Variants in HS6ST3 observed in about 807,000 individuals in gnomAD.
The protein encoded by HS6ST3 is heparan-sulfate 6-O-sulfotransferase 3.
A neutral mutation model predicts 36.7 loss-of-function variants in HS6ST3; 12 were observed. That is an observed-to-expected ratio of 0.33 (90% CI 0.21 to 0.53). HS6ST3 has a LOEUF of 0.53. Ranked by LOEUF, HS6ST3 falls within the 20% of genes least tolerant of loss-of-function variation. The pLI, the probability that HS6ST3 is intolerant of heterozygous loss-of-function variation, is 0.95. For missense variants in HS6ST3, 584 were observed against 640.9 expected (o/e 0.91, Z 0.96); for synonymous variants, 240 against 257.5 (o/e 0.93, Z 0.65).
At chr13:96,459,465 G>C (rs893198221) in intron 1 of HS6ST3, among the ~76,000 whole-genome samples, 1 of 151,998 alleles carries the variant, frequency 6.6e-6, no homozygotes, top group Non-Finnish European at 1.5e-5. Flanking sequence ...TCAGAATAGA[G>C]TATAACGCAA....
chr13:96,820,121 T>C (rs1878501460), intron 1 of HS6ST3, among the ~76,000 whole-genome samples: 1 of 151,982 alleles, frequency 6.6e-6, no homozygotes, highest in African/African-American at 2.4e-5. Flanking sequence ...TCTCTGAGCA[T>C]CAGTTTTCTC....
chr13:96,497,102 T>G (rs147980721), intron 1 of HS6ST3, among the ~76,000 whole-genome samples: 1 of 152,128 alleles, frequency 6.6e-6, no homozygotes, highest in Non-Finnish European at 1.5e-5. Flanking sequence ...AAGGGTTATT[T>G]TGGGCACCGG....
chr13:96,734,677 C>T (rs1876238780), intron 1 of HS6ST3, among the ~76,000 whole-genome samples: 1 of 152,190 alleles, frequency 6.6e-6, no homozygotes, highest in African/African-American at 2.4e-5. Flanking sequence ...CATGCTTCCT[C>T]TCCATCAATC....
intron 1 of HS6ST3, among the ~76,000 whole-genome samples, chr13:96,516,943 A>G (rs967952443): frequency 6.6e-6 from 1 of 152,128 alleles, no homozygotes; most frequent in Non-Finnish European, 1.5e-5. Context: ...TCTGCTCTAT[A>G]TATTTCTTAT....
In HS6ST3 at chr13:96,828,554, A is replaced by G. The variant is rs574155463; in HGVS notation, c.708-3936A>G. On this transcript the variant is annotated intron_variant, in intron 1 of 1. Transcript: ENST00000376705. ...ATCTGACCAGATTAATCCAAGTTCT[A>G]TAACTTACTACCAAGATAATCTTGG... Among the ~76,000 whole-genome samples, 10 of 152,338 alleles carry G rather than the reference A, an allele frequency of 6.6e-5. No homozygotes were observed. The South Asian group carries it at 1.7e-3, about 25-fold the overall frequency.
chr13:96,265,527 C>G (rs1160842480), intron 1 of HS6ST3, among the ~76,000 whole-genome samples: 1 of 152,040 alleles, frequency 6.6e-6, no homozygotes, highest in Admixed American at 6.6e-5. Flanking sequence ...TTGTAACACT[C>G]CAGCTATTTT....
intron 1 of HS6ST3, among the ~76,000 whole-genome samples, chr13:96,275,823 A>G (rs1004884953): frequency 9.4e-5 from 14 of 149,252 alleles, no homozygotes; most frequent in African/African-American, 3.4e-4. Context: ...AATAATCCAA[A>G]TGCCAGTACC....
At chr13:96,671,035 A>T (rs192606976) in intron 1 of HS6ST3, among the ~76,000 whole-genome samples, 18 of 152,240 alleles carry the variant, frequency 1.2e-4, no homozygotes, top group Admixed American at 9.8e-4. Context: ...TTTACTGAAC[A>T]CTTAGGGGTA....
intron 1 of HS6ST3, among the ~76,000 whole-genome samples, chr13:96,360,957 A>C (rs1594762543): frequency 6.6e-6 from 1 of 151,208 alleles, no homozygotes; most frequent in Non-Finnish European, 1.5e-5. Flanking sequence ...AAAAAAAAAA[A>C]AAAAAATGCA....
In HS6ST3 at chr13:96,346,567, C is replaced by T. The variant is rs375027829; in HGVS notation, c.707+254998C>T. On this transcript the variant is annotated intron_variant, in intron 1 of 1. Transcript: ENST00000376705. ...TGCAGCCTGGGCGACAGAGAGACTC[C>T]GTCTCAAAAAAAAAATAATAATAAT... Among the ~76,000 whole-genome samples, 780 of 114,394 alleles carry T rather than the reference C, an allele frequency of 6.8e-3. 7 individuals carry two copies. The highest frequency in any genetic ancestry group is 0.02 in the African/African-American group (725 of 35,762). 75.0% of individuals were successfully genotyped at this position (114,394 alleles called of 152,430 possible).
intron 1 of HS6ST3, among the ~76,000 whole-genome samples, chr13:96,262,939 G>C (rs1235511654): frequency 6.6e-6 from 1 of 152,118 alleles, no homozygotes; most frequent in Non-Finnish European, 1.5e-5. Context: ...ATCTGTGGTA[G>C]CTTATGTATG....
chr13:96,769,773 T>TGTGTGTGTGC (rs1555323691), intron 1 of HS6ST3, among the ~76,000 whole-genome samples: 10 of 142,284 alleles, frequency 7.0e-5, no homozygotes, highest in African/African-American at 2.6e-4. Flanking sequence ...TGTGTGTGTG[T>TGTGTGTGTGC]GCGCACATAT....
intron 1 of HS6ST3, among the ~76,000 whole-genome samples, chr13:96,181,880 A>C (rs1299131442): frequency 2.0e-5 from 3 of 151,944 alleles, no homozygotes; most frequent in Admixed American, 6.6e-5. Context: ...CCACTGCAGG[A>C]TATTGTAGAA....
intron 1 of HS6ST3, among the ~76,000 whole-genome samples, chr13:96,281,080 C>T (rs938859506): frequency 6.6e-6 from 1 of 152,096 alleles, no homozygotes; most frequent in Non-Finnish European, 1.5e-5. Flanking sequence ...AATCTCGGCT[C>T]ACTGCAACCT....
rs563120327 is a variant in HS6ST3 at position 96,151,399 on chromosome 13, A to G, written c.707+59830A>G. ...AGCCTGGGCGGCAGAGCAAGACTCCATCTTGGAAAAAAAAAAAAAAAAGAG... is the reference window on the plus strand; with the variant it reads ...AGCCTGGGCGGCAGAGCAAGACTCCGTCTTGGAAAAAAAAAAAAAAAAGAG... On this transcript the variant is annotated intron_variant, in intron 1 of 1. Transcript: ENST00000376705. Among the ~76,000 whole-genome samples the G allele has an allele frequency of 4.1e-3, 332 of 81,766 alleles. 1 individual carries two copies. Among genetic ancestry groups the G allele is most frequent in the South Asian group, 0.017 (31 of 1,814 alleles). 53.6% of individuals were successfully genotyped at this position (81,766 alleles called of 152,430 possible).
At chr13:96,769,074 C>T (rs1323807678) in intron 1 of HS6ST3, among the ~76,000 whole-genome samples, 1 of 152,070 alleles carries the variant, frequency 6.6e-6, no homozygotes. Context: ...TCCCCCACAA[C>T]CAGGTACCTA....
At position 96,833,418 on chromosome 13, in the gene HS6ST3, T is replaced by C; in HGVS notation, c.*220T>C. On this transcript the variant is annotated 3_prime_UTR_variant, in exon 2 of 2. Coordinates refer to ENST00000376705, the MANE Select transcript of HS6ST3 (RefSeq NM_153456.4). Reference sequence around the variant, plus strand: ...TTGCAATTGGTGATATTAAGTAGGGTAGGAGTGCATCCCATATAGGCCATT... The same window carrying C: ...TTGCAATTGGTGATATTAAGTAGGGCAGGAGTGCATCCCATATAGGCCATT... 1.9e-6 allele frequency: 1 copy of C among 530,068 alleles called. No individual in the cohort carries two copies. The highest frequency in any genetic ancestry group is 3.3e-6 in the Non-Finnish European group (1 of 302,682). The allele number at this position is 530,068 out of a possible 1,614,324, so 32.8% of individuals were successfully genotyped here.
chr13:96,649,114 A>T (rs547799518), intron 1 of HS6ST3, among the ~76,000 whole-genome samples: 85 of 152,048 alleles, frequency 5.6e-4, no homozygotes, highest in African/African-American at 2.0e-3. Context: ...ATCTCACTTT[A>T]TGGCAATTCC....
At chr13:96,697,601 A>C (rs1398488999) in intron 1 of HS6ST3, among the ~76,000 whole-genome samples, 2 of 152,198 alleles carry the variant, frequency 1.3e-5, no homozygotes, top group Non-Finnish European at 2.9e-5. Context: ...AATTTTTTAA[A>C]AATCCTAAAA....
Sources: allele counts gnomAD v4.1 joint callset (sites outside exome capture counted in the v4.1 genomes callset), GRCh38; gene constraint gnomAD v4.1.1; transcripts MANE v1.5; gene names NCBI Gene and HGNC (gene_info 2026-07-23, HGNC 2026-07-21).